CHL1: variants seen among roughly 807,000 people sequenced by gnomAD.
CHL1 encodes neural cell adhesion molecule L1-like protein.
Under a neutral mutation model 141.9 loss-of-function variants are expected in CHL1, and 96 were observed. That is an observed-to-expected ratio of 0.68 (90% CI 0.57 to 0.80). CHL1 has a LOEUF of 0.80. Ranked by LOEUF, CHL1 falls within the 30% of genes least tolerant of loss-of-function variation. CHL1 has a pLI of 0.00. For missense variants in CHL1, 1,820 were observed against 1,457.2 expected, an observed-to-expected ratio of 1.25 and a Z score of -4.05; for synonymous variants, 613 against 502.2, an observed-to-expected ratio of 1.22 and a Z score of -2.95.
At position 212,007 on chromosome 3, in the gene CHL1, C is replaced by T. The variant is rs187867459; in HGVS notation, c.-175+14944C>T. On this transcript the variant is annotated intron_variant, in intron 1 of 27. Transcript: ENST00000256509. ...TTTTAATGACAAGTCATTTAGCCACCGATAAAAAGTTACTTATTCAGAAAA... is the reference window on the plus strand; with the variant it reads ...TTTTAATGACAAGTCATTTAGCCACTGATAAAAAGTTACTTATTCAGAAAA... Among the ~76,000 whole-genome samples the T allele has an allele frequency of 2.1e-4, 32 of 152,098 alleles. No individual in the cohort carries two copies. The East Asian group carries it at 3.1e-3, about 15-fold the overall frequency.
intron 2 of CHL1, among the ~76,000 whole-genome samples, chr3:252,361 G>GATATATATATAT (rs71058760): frequency 1.6e-3 from 89 of 54,258 alleles, no homozygotes; most frequent in East Asian, 2.0e-3. Flanking sequence ...AAAGCATCCA[G>GATATATATATAT]ATATATATAT....
At chr3:377,252 C>G (rs1281591359) in intron 15 of CHL1, among the ~76,000 whole-genome samples, 1 of 152,124 alleles carries the variant, frequency 6.6e-6, no homozygotes, top group Non-Finnish European at 1.5e-5. Flanking sequence ...TACTACACTG[C>G]CATCTTCTGT....
chr3:214,479 C>T (rs1700145967), intron 1 of CHL1, among the ~76,000 whole-genome samples: 1 of 152,140 alleles, frequency 6.6e-6, no homozygotes, highest in Non-Finnish European at 1.5e-5. Flanking sequence ...TTTTAAGAGA[C>T]ATCAGTGTTA....
chr3:222,818 A>T (rs1049401522), intron 1 of CHL1, among the ~76,000 whole-genome samples: 2 of 152,094 alleles, frequency 1.3e-5, no homozygotes, highest in African/African-American at 2.4e-5. Flanking sequence ...TTTCTAAGGG[A>T]TTTTAATTCA....
chr3:207,065 A>T (rs1348834868), intron 1 of CHL1, among the ~76,000 whole-genome samples: 1 of 152,250 alleles, frequency 6.6e-6, no homozygotes, highest in Non-Finnish European at 1.5e-5. Flanking sequence ...CCGTCAATAA[A>T]GATAAGGCTT....
At chr3:279,612 C>A (rs1696455810) in intron 2 of CHL1, among the ~76,000 whole-genome samples, 1 of 152,150 alleles carries the variant, frequency 6.6e-6, no homozygotes. Flanking sequence ...CACTGAATCT[C>A]CTTTGAAAGT....
rs139591844 is a variant in CHL1, at chr3:275,638, G to C, written c.-95+30946G>C. Among the ~76,000 whole-genome samples, 373 of 152,128 alleles carry C rather than the reference G, an allele frequency of 2.5e-3. 3 individuals carry two copies. The highest frequency in any genetic ancestry group is 8.4e-3 in the African/African-American group (350 of 41,488). On this transcript the variant is annotated intron_variant, in intron 2 of 27. Coordinates refer to ENST00000256509, the MANE Select transcript of CHL1 (RefSeq NM_006614.4). Reference sequence around the variant, plus strand: ...TAGGCAGGGAAGAGTAGACATGTAGGGTCCACATGTTTGGCCTTTTTTCCA... The same window carrying C: ...TAGGCAGGGAAGAGTAGACATGTAGCGTCCACATGTTTGGCCTTTTTTCCA...
chr3:301,324 T>A (rs1221543506), intron 2 of CHL1, among the ~76,000 whole-genome samples: 2 of 152,178 alleles, frequency 1.3e-5, no homozygotes, highest in Non-Finnish European at 1.5e-5. Flanking sequence ...GACATAACTC[T>A]GAGTAAATTA....
At chr3:209,833 T>G (rs1330548024) in intron 1 of CHL1, among the ~76,000 whole-genome samples, 1 of 152,210 alleles carries the variant, frequency 6.6e-6, no homozygotes, top group East Asian at 1.9e-4. Context: ...CTAATAATGA[T>G]CCAAGGTAGG....
At chr3:333,186 A>G (rs6800364) in intron 5 of CHL1, among the ~76,000 whole-genome samples, 105,038 of 136,976 alleles carry the variant, frequency 0.77, 40,295 homozygotes, top group Middle Eastern at 0.86. Context: ...TAGGTTTCTT[A>G]TGCATCATTT....
chr3:370,843 C>T (rs1705540650), intron 15 of CHL1, among the ~76,000 whole-genome samples: 1 of 152,112 alleles, frequency 6.6e-6, no homozygotes, highest in Non-Finnish European at 1.5e-5. Context: ...TTAATTTCTG[C>T]CTTAATTTCA....
chr3:270,862 A>G (rs928765535), intron 2 of CHL1, among the ~76,000 whole-genome samples: 10 of 152,200 alleles, frequency 6.6e-5, no homozygotes, highest in African/African-American at 2.4e-4. Flanking sequence ...TTGAGGGTGC[A>G]CACATGTGTG....
chr3:353,548 T>C (rs921470719), intron 10 of CHL1, among the ~76,000 whole-genome samples: 1 of 152,210 alleles, frequency 6.6e-6, no homozygotes, highest in African/African-American at 2.4e-5. Flanking sequence ...TGTGGAGTAA[T>C]TACAAAGGCA....
At chr3:319,649 G>T in intron 2 of CHL1, 34 bp from the exon 3 acceptor site, 39 of 444,330 alleles carry the variant, frequency 8.8e-5, no homozygotes, top group Middle Eastern at 3.3e-4. Flanking sequence ...TTTAGAGTTT[G>T]TGAACTAACA....
chr3:278,367 G>A (rs369083631), intron 2 of CHL1, among the ~76,000 whole-genome samples: 1 of 152,188 alleles, frequency 6.6e-6, no homozygotes, highest in Non-Finnish European at 1.5e-5. Flanking sequence ...GCGCTAAGTG[G>A]CGGCTAATGT....
intron 1 of CHL1, among the ~76,000 whole-genome samples, chr3:229,255 T>C (rs148600066): frequency 3.9e-5 from 6 of 152,360 alleles, no homozygotes; most frequent in African/African-American, 1.2e-4. Context: ...GTTTTTTTCC[T>C]AATTGTTATG....
intron 2 of CHL1, among the ~76,000 whole-genome samples, chr3:259,441 A>G (rs898605889): frequency 6.6e-6 from 1 of 152,106 alleles, no homozygotes; most frequent in Non-Finnish European, 1.5e-5. Flanking sequence ...GTCTGACCCC[A>G]AGTTCAAGCT....
Position 338,889 on chromosome 3 carries a change from G to T in CHL1, c.386-1905G>T, listed in dbSNP as rs17527233. 3.9e-5 allele frequency among the ~76,000 whole-genome samples: 6 copies of T among 152,196 alleles called. 1 individual carries two copies. The South Asian group carries it at 1.2e-3, about 32-fold the overall frequency. Reference sequence around the variant, plus strand: ...GCTTCAGTGGCAGTACTATCTGTTCGAATTGCTAGGTTTTTTTTAACGCTC... The same window carrying T: ...GCTTCAGTGGCAGTACTATCTGTTCTAATTGCTAGGTTTTTTTTAACGCTC... On this transcript the variant is annotated intron_variant, in intron 5 of 27. Transcript: ENST00000256509.
At chr3:238,430 A>T (rs1049566255) in intron 1 of CHL1, among the ~76,000 whole-genome samples, 1 of 152,132 alleles carries the variant, frequency 6.6e-6, no homozygotes, top group African/African-American at 2.4e-5. Context: ...AAAAAATAAA[A>T]AAAATAGCCA....
Sources: allele counts gnomAD v4.1 joint callset (sites outside exome capture counted in the v4.1 genomes callset), GRCh38; gene constraint gnomAD v4.1.1; transcripts MANE v1.5; gene names NCBI Gene and HGNC (gene_info 2026-07-23, HGNC 2026-07-21).